SHISA9: variants seen among roughly 807,000 people sequenced by gnomAD.
SHISA9 encodes protein shisa-9.
SHISA9 carries 13 observed loss-of-function variants against 38.0 expected under a neutral mutation model. The observed-to-expected ratio is 0.34, with a 90% confidence interval of 0.22 to 0.54. SHISA9 has a LOEUF of 0.54. Ranked by LOEUF, SHISA9 falls within the 20% of genes least tolerant of loss-of-function variation. The pLI is 0.91. For missense variants in SHISA9, 538 were observed against 575.8 expected (o/e 0.93, Z 0.67); for synonymous variants, 275 against 242.0 (o/e 1.14, Z -1.27).
At chr16:13,384,903 A>G in the SHISA9 span, among the ~76,000 whole-genome samples, 1 of 152,202 alleles carries the variant, frequency 6.6e-6, no homozygotes, top group Non-Finnish European at 1.5e-5. Flanking sequence ...AAACTGGGAG[A>G]AAATATTTGA....
At chr16:12,967,466 G>A (rs1221657185) in intron 2 of SHISA9, among the ~76,000 whole-genome samples, 5 of 151,888 alleles carry the variant, frequency 3.3e-5, no homozygotes, top group Non-Finnish European at 5.9e-5. Context: ...GCTAAATGAC[G>A]AGTTAATGGG....
At chr16:12,907,156 T>TC (rs148952753) in intron 1 of SHISA9, among the ~76,000 whole-genome samples, 29,890 of 93,484 alleles carry the variant, frequency 0.32, 5,754 homozygotes, top group Non-Finnish European at 0.42. Context: ...CCTCCCTCCC[T>TC]CCTTCCCTCC....
In SHISA9 at chr16:13,204,118, A is replaced by G. The variant is rs118166255; in HGVS notation, c.847+569A>G. Among the ~76,000 whole-genome samples, 121 of 151,128 alleles carry G rather than the reference A, an allele frequency of 8.0e-4. 1 individual carries two copies. The East Asian group carries it at 0.02, about 25-fold the overall frequency. Reference sequence around the variant, plus strand: ...TATATCATCTGTCTACCTATTATCTATCATCTAACTACCTATTATCTATCT... The same window carrying G: ...TATATCATCTGTCTACCTATTATCTGTCATCTAACTACCTATTATCTATCT... On this transcript the variant is annotated intron_variant, in intron 3 of 4. Coordinates refer to ENST00000558583, the MANE Select transcript of SHISA9 (RefSeq NM_001145204.3).
At chr16:13,524,329 T>C in the SHISA9 span, among the ~76,000 whole-genome samples, 5 of 152,192 alleles carry the variant, frequency 3.3e-5, no homozygotes, top group African/African-American at 4.8e-5. Flanking sequence ...ATCATAAATA[T>C]GGCCAAGAGT....
the SHISA9 span, among the ~76,000 whole-genome samples, chr16:13,466,580 T>TTG: frequency 2.0e-5 from 3 of 152,140 alleles, no homozygotes; most frequent in African/African-American, 2.4e-5. Context: ...TGTTGTTGTT[T>TTG]TTTTAAAAAA....
At chr16:13,145,561 GGC>G (rs2050440354) in intron 2 of SHISA9, among the ~76,000 whole-genome samples, 1 of 152,128 alleles carries the variant, frequency 6.6e-6, no homozygotes, top group African/African-American at 2.4e-5. Flanking sequence ...GTAGTTGTGT[GGC>G]TGCGTGGAAG....
At chr16:13,467,229 A>C in the SHISA9 span, among the ~76,000 whole-genome samples, 13 of 152,076 alleles carry the variant, frequency 8.5e-5, no homozygotes, top group Non-Finnish European at 1.8e-4. Flanking sequence ...CTCGCCTTCT[A>C]TGTGGGGGGG....
intron 1 of SHISA9, among the ~76,000 whole-genome samples, chr16:12,914,171 G>A (rs1361117454): frequency 1.3e-5 from 2 of 150,210 alleles, no homozygotes; most frequent in East Asian, 4.0e-4. Context: ...TCAGCCTCCC[G>A]AGTAGCTGGG....
At chr16:13,462,351 G>A in the SHISA9 span, among the ~76,000 whole-genome samples, 1 of 152,138 alleles carries the variant, frequency 6.6e-6, no homozygotes, top group African/African-American at 2.4e-5. Flanking sequence ...GAAACAGCAT[G>A]TATAAAGGTA....
the SHISA9 span, among the ~76,000 whole-genome samples, chr16:13,338,563 G>A: frequency 5.3e-5 from 8 of 152,168 alleles, no homozygotes; most frequent in Non-Finnish European, 8.8e-5. Context: ...GATGGCCACA[G>A]CATTCAGTCT....
chr16:13,222,317 C>T (rs989653324), intron 4 of SHISA9, among the ~76,000 whole-genome samples: 3 of 152,108 alleles, frequency 2.0e-5, no homozygotes, highest in South Asian at 2.1e-4. Flanking sequence ...AGCTCTACTC[C>T]GAGTGGTCAC....
the SHISA9 span, among the ~76,000 whole-genome samples, chr16:13,502,009 A>AAT: frequency 6.6e-6 from 1 of 152,132 alleles, no homozygotes; most frequent in East Asian, 1.9e-4. Flanking sequence ...ATCAAAAAAA[A>AAT]AAAAATTGCT....
the SHISA9 span, among the ~76,000 whole-genome samples, chr16:13,392,824 A>T: frequency 3.3e-5 from 5 of 152,356 alleles, no homozygotes; most frequent in Admixed American, 3.3e-4. Context: ...ACCAAGGAGC[A>T]CCAAAGACTG....
chr16:13,357,778 CGCAAGGTGCTCAGTGGGCA>C, the SHISA9 span, among the ~76,000 whole-genome samples: 1 of 145,578 alleles, frequency 6.9e-6, no homozygotes, highest in South Asian at 2.2e-4. Context: ...GAGTGGGGGT[CGCAAGGTGCTCAGTGGGCA>C]GGAGTGGGGG....
At chr16:12,923,130 G>T (rs1161557444) in intron 2 of SHISA9, among the ~76,000 whole-genome samples, 1 of 152,174 alleles carries the variant, frequency 6.6e-6, no homozygotes, top group Non-Finnish European at 1.5e-5. Context: ...AAAAGCCCAT[G>T]GAAGATACTC....
chr16:13,040,327 TC>T (rs2073119337), intron 2 of SHISA9, among the ~76,000 whole-genome samples: 1 of 152,182 alleles, frequency 6.6e-6, no homozygotes, highest in Admixed American at 6.5e-5. Context: ...ATGGTGCTTC[TC>T]TCTACCCCAG....
At chr16:13,258,076 G>C in the SHISA9 span, among the ~76,000 whole-genome samples, 15 of 152,252 alleles carry the variant, frequency 9.9e-5, 1 homozygote, top group South Asian at 1.0e-3. Context: ...CATCTGTAAG[G>C]CCGTGTAATT....
At chr16:12,994,207 T>C (rs1262846453) in intron 2 of SHISA9, among the ~76,000 whole-genome samples, 2 of 152,144 alleles carry the variant, frequency 1.3e-5, no homozygotes, top group African/African-American at 2.4e-5. Context: ...GGGATAGTCG[T>C]TGGAAGGCTG....
chr16:12,902,047 C>T lies in SHISA9; in HGVS notation c.-18C>T, dbSNP rs563186806. 9.8e-5 allele frequency: 143 copies of T among 1,453,740 alleles called. No homozygotes were observed. In the African/African-American group the frequency reaches 1.7e-3, roughly 17 times the overall value. The allele number at this position is 1,453,740 out of a possible 1,614,324, so 90.1% of individuals were successfully genotyped here. On this transcript the variant is annotated 5_prime_UTR_variant, in exon 1 of 5. Coordinates refer to ENST00000558583, the MANE Select transcript of SHISA9 (RefSeq NM_001145204.3). ...CTCCAGCGGCGGCCGAGCGGCCGAG[C>T]CCGGGCTGGGAGACACCATGCGCCG...
Sources: gnomAD v4.1 joint callset for allele counts (sites outside exome capture counted in the v4.1 genomes callset) on GRCh38, gnomAD v4.1.1 for gene constraint, MANE v1.5 for transcripts, NCBI Gene and HGNC (gene_info 2026-07-23, HGNC 2026-07-21) for gene names.